The following OPHN1 variants were observed in gnomAD, a reference collection of about 807,000 sequenced individuals.
The protein encoded by OPHN1 is oligophrenin 1.
A neutral mutation model predicts 60.7 loss-of-function variants in OPHN1; 11 were observed. That is an observed-to-expected ratio of 0.18 (90% CI 0.11 to 0.30). OPHN1 has a LOEUF of 0.30. OPHN1 is among the 10% of genes least tolerant of loss of function. The pLI is 1.00. For missense variants in OPHN1, 449 were observed against 611.0 expected (o/e 0.73, Z 2.80); for synonymous variants, 226 against 222.6 (o/e 1.02, Z -0.14).
At chrX:68,192,316 T>C (rs5964646) in intron 15 of OPHN1, among the ~76,000 whole-genome samples, 12,175 of 109,540 alleles carry the variant, frequency 0.11, 1,706 homozygotes, top group African/African-American at 0.39. Flanking sequence ...CTAGGCAATA[T>C]AGTGAGACCC....
intron 6 of OPHN1, among the ~76,000 whole-genome samples, chrX:68,231,330 G>C (rs1274239432): frequency 1.8e-5 from 2 of 111,918 alleles, no homozygotes; most frequent in Non-Finnish European, 3.8e-5. Context: ...GGAGCAACCG[G>C]AGCTATCATT....
At chrX:68,298,260 T>C (rs1264107821) in intron 3 of OPHN1, among the ~76,000 whole-genome samples, 2 of 111,754 alleles carry the variant, frequency 1.8e-5, no homozygotes, top group African/African-American at 6.5e-5. Flanking sequence ...TCAGTGCTAT[T>C]CTTGTGCCAC....
chrX:68,195,153 T>C (rs1602227428), intron 12 of OPHN1, among the ~76,000 whole-genome samples: 1 of 111,574 alleles, frequency 9.0e-6, no homozygotes, highest in Admixed American at 9.5e-5. Flanking sequence ...TAATCCATCT[T>C]AGATATTTAC....
intron 12 of OPHN1, among the ~76,000 whole-genome samples, chrX:68,196,848 A>G (rs941351565): frequency 1.8e-5 from 2 of 112,107 alleles, no homozygotes; most frequent in African/African-American, 6.5e-5. Context: ...TAATTAACAC[A>G]TATTGATTTT....
intron 2 of OPHN1, among the ~76,000 whole-genome samples, chrX:68,363,064 G>A (rs2078481329): frequency 9.1e-6 from 1 of 109,470 alleles, no homozygotes; most frequent in African/African-American, 3.3e-5. Flanking sequence ...CCTGGCCAAC[G>A]TGGTAAAAAC....
intron 5 of OPHN1, among the ~76,000 whole-genome samples, chrX:68,248,102 G>A (rs775730751): frequency 9.0e-6 from 1 of 111,044 alleles, no homozygotes; most frequent in African/African-American, 3.3e-5. Flanking sequence ...ACACTGAGGA[G>A]ATAGATAAAA....
chrX:68,406,350 G>A lies in OPHN1; in HGVS notation c.154+26517C>T, dbSNP rs186161240. 1.1e-3 allele frequency among the ~76,000 whole-genome samples: 127 copies of A among 111,100 alleles called. 1 individual carries two copies. The East Asian group carries it at 0.034, about 30-fold the overall frequency. On this transcript the variant is annotated intron_variant, in intron 2 of 24. Transcript: ENST00000355520. ...TTTGAGGCCAGGCACGGTGGCTCAC[G>A]CCTGTAATCCCAGCACTTTGGGAGG...
intron 8 of OPHN1, among the ~76,000 whole-genome samples, chrX:68,210,634 A>G (rs1028337768): frequency 8.9e-6 from 1 of 112,059 alleles, no homozygotes; most frequent in African/African-American, 3.2e-5. Context: ...CAAGGTTCCC[A>G]AAGGTAGCAT....
rs1043096390 is a variant in OPHN1 at position 68,356,570 on chromosome X, G to A, written c.155-57474C>T. Among the ~76,000 whole-genome samples the A allele has an allele frequency of 2.7e-5, 3 of 110,496 alleles. 1 individual carries two copies. The highest frequency in any genetic ancestry group is 3.8e-5 in the Non-Finnish European group (2 of 52,907). On this transcript the variant is annotated intron_variant, in intron 2 of 24. Transcript: ENST00000355520. ...TGGGATTATAGGTGCCTGCCACCAC[G>A]CCTGGCTAATTTTTATATTTTTAGT... is the stretch of plus-strand genomic sequence containing the variant.
At chrX:68,230,210 T>C (rs1431058259) in intron 6 of OPHN1, among the ~76,000 whole-genome samples, 1 of 111,093 alleles carries the variant, frequency 9.0e-6, no homozygotes, top group Admixed American at 9.6e-5. Flanking sequence ...AAAACCACAA[T>C]GAGATACCAT....
At position 68,201,634 on chromosome X, in the gene OPHN1, A is replaced by G; in HGVS notation, c.1010T>C (p.Ile337Thr). The G allele has an allele frequency of 8.3e-7, 1 of 1,209,436 alleles. No individual in the cohort carries two copies. Among genetic ancestry groups the G allele is most frequent in the Non-Finnish European group, 1.1e-6 (1 of 893,333 alleles). Residue 337 changes from isoleucine (I) to threonine (T), a missense_variant, in exon 11 of 25, where the codon ATA (isoleucine) becomes ACA (threonine). This residue lies in a region of OPHN1 where 166 missense variants were observed against 278.4 expected (regional missense o/e 0.60). Coordinates refer to ENST00000355520, the MANE Select transcript of OPHN1 (RefSeq NM_002547.3). ...ESIDKRFCFD[I>T]ETNERPGTIT... Reference sequence around the variant, plus strand: ...CACAGCTTACCTTTCATTAGTTTCTATGTCAAAACAGAACCTCTTGTCGAT... The same window carrying G: ...CACAGCTTACCTTTCATTAGTTTCTGTGTCAAAACAGAACCTCTTGTCGAT...
At position 68,322,229 on chromosome X, in the gene OPHN1, C is replaced by T. The variant is rs773492047; in HGVS notation, c.155-23133G>A. Among the ~76,000 whole-genome samples, 10 of 111,448 alleles carry T rather than the reference C, an allele frequency of 9.0e-5. No homozygotes were observed. In the South Asian group the frequency reaches 3.8e-3, roughly 42 times the overall value. The stretch of plus-strand genomic sequence containing the variant: ...TCATGCAATCTGCCCACCTCAGACT[C>T]CCAAAGTGCTGGGATTACAGACATG... On this transcript the variant is annotated intron_variant, in intron 2 of 24. Transcript: ENST00000355520.
At chrX:68,184,454 G>A (rs762532365) in intron 15 of OPHN1, among the ~76,000 whole-genome samples, 3 of 107,141 alleles carry the variant, frequency 2.8e-5, no homozygotes, top group African/African-American at 6.8e-5. Flanking sequence ...CCCAGGAGGC[G>A]GAGGCTGTGG....
At chrX:68,295,387 C>T (rs2078089740) in intron 3 of OPHN1, among the ~76,000 whole-genome samples, 1 of 112,120 alleles carries the variant, frequency 8.9e-6, no homozygotes, top group African/African-American at 3.2e-5. Context: ...GATTTACAGA[C>T]ACTCTCTGAT....
rs192227551 is a variant in OPHN1, at chrX:68,401,901, A to C, written c.154+30966T>G. Reference sequence around the variant, plus strand: ...AGCCAAAGATATAAAGGGAAGTAAGAGGAGATGATGCTGGAAGACCCTTAG... The same window carrying C: ...AGCCAAAGATATAAAGGGAAGTAAGCGGAGATGATGCTGGAAGACCCTTAG... On this transcript the variant is annotated intron_variant, in intron 2 of 24. Coordinates refer to ENST00000355520, the MANE Select transcript of OPHN1 (RefSeq NM_002547.3). Among the ~76,000 whole-genome samples, 101 of 111,767 alleles carry C rather than the reference A, an allele frequency of 9.0e-4. 1 individual carries two copies. The highest frequency in any genetic ancestry group is 3.0e-3 in the African/African-American group (94 of 30,838).
intron 2 of OPHN1, among the ~76,000 whole-genome samples, chrX:68,348,378 T>C (rs926265473): frequency 1.5e-4 from 17 of 110,863 alleles, no homozygotes; most frequent in African/African-American, 5.6e-4. Flanking sequence ...GGAAAGAGAA[T>C]ATAACTATAT....
At chrX:68,396,990 C>T (rs774346545) in intron 2 of OPHN1, among the ~76,000 whole-genome samples, 5 of 110,489 alleles carry the variant, frequency 4.5e-5, no homozygotes, top group Non-Finnish European at 9.5e-5. Context: ...ACTGCAATTA[C>T]CTGGGTCTTG....
chrX:68,206,476 G>A lies in OPHN1; in HGVS notation c.933+97C>T, dbSNP rs2077559873. On this transcript the variant is annotated intron_variant, in intron 10 of 24. Coordinates refer to ENST00000355520, the MANE Select transcript of OPHN1 (RefSeq NM_002547.3). Reference sequence around the variant, plus strand: ...TAAAGTCATGGCCTCACGTAACAGTGATGAACTTGATGATTTGATACTAGG... The same window carrying A: ...TAAAGTCATGGCCTCACGTAACAGTAATGAACTTGATGATTTGATACTAGG... The A allele has an allele frequency of 4.6e-6, 3 of 654,124 alleles. No homozygotes were observed. In the South Asian group the frequency reaches 6.9e-5, roughly 15 times the overall value. The allele number at this position is 654,124 out of a possible 1,213,427, so 53.9% of individuals were successfully genotyped here. A position where few individuals can be genotyped will look rare whatever the true frequency, so the allele number is the denominator to read the frequency against.
At chrX:68,396,802 G>A (rs1381352638) in intron 2 of OPHN1, among the ~76,000 whole-genome samples, 1 of 111,137 alleles carries the variant, frequency 9.0e-6, no homozygotes, top group African/African-American at 3.3e-5. Flanking sequence ...GCGACAGAGC[G>A]AGACTCCATC....
Sources: gnomAD v4.1 joint callset for allele counts (sites outside exome capture counted in the v4.1 genomes callset) on GRCh38, gnomAD v4.1.1 for gene constraint, gnomAD v4.1.1 regional missense constraint, MANE v1.5 for transcripts, NCBI Gene and HGNC (gene_info 2026-07-23, HGNC 2026-07-21) for gene names.